MORN1: variants seen among roughly 807,000 people sequenced by gnomAD.
MORN1 encodes MORN repeat-containing protein 1.
MORN1 carries 67 observed loss-of-function variants against 61.9 expected under a neutral mutation model. The observed-to-expected ratio is 1.08, with a 90% CI of 0.89 to 1.33. The LOEUF is 1.33. Among genes scored for constraint, MORN1 ranks in the 40% most tolerant of loss-of-function variants. The pLI is 0.00. For missense variants in MORN1, 752 were observed against 691.2 expected, an observed-to-expected ratio of 1.09 and a Z score of -0.99; for synonymous variants, 301 against 292.0, an observed-to-expected ratio of 1.03 and a Z score of -0.31.
intron 12 of MORN1, 125 bp from the exon 13 acceptor site, chr1:2,324,268 G>T: frequency 1.0e-6 from 1 of 960,702 alleles, no homozygotes; most frequent in Non-Finnish European, 1.5e-6. Flanking sequence ...GCAGAGGCCT[G>T]CGAACCCCAC....
intron 10 of MORN1, among the ~76,000 whole-genome samples, chr1:2,356,451 C>G (rs572903605): frequency 2.6e-5 from 4 of 152,312 alleles, no homozygotes; most frequent in Non-Finnish European, 5.9e-5. Context: ...AACCCAGGAA[C>G]CTGCGGCCTG....
At chr1:2,379,611 G>A (rs1467941429) in intron 6 of MORN1, among the ~76,000 whole-genome samples, 3 of 152,166 alleles carry the variant, frequency 2.0e-5, no homozygotes, top group Admixed American at 1.3e-4. Context: ...GCCAAGAAGC[G>A]TCAAAGAGGG....
At chr1:2,381,973 G>C (rs551181896) in intron 6 of MORN1, among the ~76,000 whole-genome samples, 3 of 152,278 alleles carry the variant, frequency 2.0e-5, no homozygotes, top group African/African-American at 7.2e-5. Flanking sequence ...GAGGGAGGGC[G>C]CCGTCCCTTG....
intron 10 of MORN1, among the ~76,000 whole-genome samples, chr1:2,342,546 C>T (rs1487404581): frequency 6.6e-6 from 1 of 152,212 alleles, no homozygotes; most frequent in Non-Finnish European, 1.5e-5. Context: ...AGGGTGGGGC[C>T]TGGAGAAGTC....
chr1:2,328,467 C>T (rs1164192156), intron 12 of MORN1, among the ~76,000 whole-genome samples: 1 of 152,156 alleles, frequency 6.6e-6, no homozygotes, highest in South Asian at 2.1e-4. Flanking sequence ...CAGGATGTGC[C>T]GGGAGCCAGT....
chr1:2,372,333 G>T lies in MORN1; in HGVS notation c.745+148C>A. ...GACTGGCAGGGAAGCTGGCACACCT[G>T]CGACCTCTCTGCCAGGCTCTGGGCA... On this transcript the variant is annotated intron_variant, in intron 8 of 13. Transcript: ENST00000378531. The surrounding 1 kb of genome is among the most constrained non-coding windows in gnomAD (Gnocchi z 5.4). The T allele has an allele frequency of 1.6e-6, 1 of 626,604 alleles. No individual in the cohort carries two copies. Among genetic ancestry groups the T allele is most frequent in the Non-Finnish European group, 2.8e-6 (1 of 358,102 alleles). 38.8% of individuals were successfully genotyped at this position (626,604 alleles called of 1,614,324 possible).
In MORN1 at chr1:2,385,079, G is replaced by A. The variant is rs771307648; in HGVS notation, c.450-14C>T. The A allele has an allele frequency of 5.1e-6, 8 of 1,577,170 alleles. No homozygotes were observed. Among genetic ancestry groups the A allele is most frequent in the South Asian group, 2.3e-5 (2 of 86,482 alleles). On this transcript the variant is annotated splice_polypyrimidine_tract_variant and intron_variant, in intron 5 of 13. Coordinates refer to ENST00000378531, the MANE Select transcript of MORN1 (RefSeq NM_024848.3). ...TTGTCACCGTTCCTGGGGGACACAC[G>A]CACGGAGTCCACTCTCAACAGGGGG...
Position 2,321,882 on chromosome 1 carries a change from G to A in MORN1, c.1298-303C>T, listed in dbSNP as rs1022244150. ...CTCGGAGGCTGGCAAGGATGGACAC[G>A]ACCCTCGCATGGTGGCCGCTCTCAA... On this transcript the variant is annotated intron_variant, in intron 13 of 13. Coordinates refer to ENST00000378531, the MANE Select transcript of MORN1 (RefSeq NM_024848.3). The A allele has an allele frequency of 1.7e-5, 8 of 461,712 alleles. No homozygotes were observed. The East Asian group carries it at 9.3e-4, about 54-fold the overall frequency. The allele number at this position is 461,712 out of a possible 1,614,324, so 28.6% of individuals were successfully genotyped here.
At chr1:2,331,174 C>T (rs1641140417) in intron 12 of MORN1, among the ~76,000 whole-genome samples, 1 of 152,220 alleles carries the variant, frequency 6.6e-6, no homozygotes, top group African/African-American at 2.4e-5. Context: ...CCCAGGTGGA[C>T]ATGGGGCACA....
At chr1:2,381,030 T>C (rs1221476820) in intron 6 of MORN1, among the ~76,000 whole-genome samples, 2 of 152,212 alleles carry the variant, frequency 1.3e-5, no homozygotes, top group Non-Finnish European at 2.9e-5. Context: ...GGAGAGGCAC[T>C]GTGACCGGAG....
At chr1:2,362,248 A>ATATT (rs1491556139) in intron 8 of MORN1, among the ~76,000 whole-genome samples, 1 of 152,126 alleles carries the variant, frequency 6.6e-6, no homozygotes, top group Non-Finnish European at 1.5e-5. Context: ...AACAAAAAAC[A>ATATT]TATTTACTAT....
intron 10 of MORN1, among the ~76,000 whole-genome samples, chr1:2,348,333 C>G (rs1007080219): frequency 6.6e-6 from 1 of 152,216 alleles, no homozygotes; most frequent in Non-Finnish European, 1.5e-5. Flanking sequence ...CCCACGCTGC[C>G]AGGTGGGGCA....
intron 10 of MORN1, among the ~76,000 whole-genome samples, chr1:2,341,984 G>A (rs1641404948): frequency 6.6e-6 from 1 of 152,254 alleles, no homozygotes; most frequent in South Asian, 2.1e-4. Context: ...CCCCGGCAGT[G>A]TCTGGGGCAC....
chr1:2,377,973 C>G (rs1270865644), intron 6 of MORN1: 3 of 152,286 alleles, frequency 2.0e-5, no homozygotes, highest in Non-Finnish European at 4.4e-5. Flanking sequence ...GAGTGAGGAG[C>G]CTGCCGGACC....
At chr1:2,388,082 C>T in intron 3 of MORN1, 157 bp downstream of exon 3, 1 of 603,190 alleles carries the variant, frequency 1.7e-6, no homozygotes, top group South Asian at 2.0e-5. Context: ...ACCACAGAGC[C>T]TCAGTCAGGT....
chr1:2,374,365 T>TAG lies in MORN1; in HGVS notation c.634+95_634+96insCT, dbSNP rs1490138797. 5.8e-6 allele frequency: 6 copies of TAG among 1,029,586 alleles called. No individual in the cohort carries two copies. In the African/African-American group the frequency reaches 8.0e-5, roughly 14 times the overall value. The allele number at this position is 1,029,586 out of a possible 1,614,324, so 63.8% of individuals were successfully genotyped here. On this transcript the variant is annotated intron_variant, in intron 7 of 13. Coordinates refer to ENST00000378531, the MANE Select transcript of MORN1 (RefSeq NM_024848.3). ...CACTTTGCCCCACCCCTCCCCAGTGTGCTCTTGGTCAGTGTTTCCCATATG... is the reference window on the plus strand; with the variant it reads ...CACTTTGCCCCACCCCTCCCCAGTGTAGGCTCTTGGTCAGTGTTTCCCATATG...
At chr1:2,353,811 G>A (rs1375776596) in intron 10 of MORN1, among the ~76,000 whole-genome samples, 1 of 152,236 alleles carries the variant, frequency 6.6e-6, no homozygotes, top group East Asian at 1.9e-4. Flanking sequence ...ATGTCCCAGG[G>A]TGCTGTGAAG....
chr1:2,340,509 C>G (rs751445359), intron 10 of MORN1, among the ~76,000 whole-genome samples: 4 of 152,214 alleles, frequency 2.6e-5, no homozygotes, highest in Non-Finnish European at 4.4e-5. Context: ...GTGGGCACCT[C>G]CTTGGCTGCA....
chr1:2,347,338 G>A (rs1641539648), intron 10 of MORN1, among the ~76,000 whole-genome samples: 1 of 152,192 alleles, frequency 6.6e-6, no homozygotes, highest in African/African-American at 2.4e-5. Context: ...CCAGCTGCAG[G>A]TGGCAGATGG....
Sources: gnomAD v4.1 joint callset for allele counts (sites outside exome capture counted in the v4.1 genomes callset) on GRCh38, gnomAD v4.1.1 for gene constraint, Gnocchi (gnomAD v3.1) non-coding constraint, MANE v1.5 for transcripts, NCBI Gene and HGNC (gene_info 2026-07-23, HGNC 2026-07-21) for gene names.